Variants in ZNF444 observed in about 807,000 individuals in gnomAD.
ZNF444 encodes the protein endothelial zinc finger protein 2.
A neutral mutation model predicts 14.4 loss-of-function variants in ZNF444; 8 were observed. The ratio of observed to expected loss-of-function variants is 0.56; its 90% CI spans 0.33 to 1.00. The LOEUF (loss-of-function observed/expected upper bound fraction) is 1.00, where lower values mean the gene tolerates loss of function less well. Ranked by LOEUF, ZNF444 falls within the 50% of genes least tolerant of loss-of-function variation. The probability of loss-of-function intolerance (pLI) is 0.03; values close to 1 mark genes in which losing one functional copy is unlikely to be tolerated. For missense variants in ZNF444, 510 were observed against 504.8 expected (o/e 1.01, Z -0.10); for synonymous variants, 258 against 235.9 (o/e 1.09, Z -0.86).
chr19:56,144,058 C>G lies in ZNF444; in HGVS notation c.-196-2189C>G, dbSNP rs1007631547. Among the ~76,000 whole-genome samples the G allele has an allele frequency of 2.0e-5, 3 of 152,170 alleles. No individual in the cohort carries two copies. Among genetic ancestry groups the G allele is most frequent in the Non-Finnish European group, 4.4e-5 (3 of 68,036 alleles). The stretch of plus-strand genomic sequence containing the variant: ...GCACAGTGGCTCACTCCTGTAATCC[C>G]AGCACTTTGAGAGGCTGAGGTGGGA... On this transcript the variant is annotated intron_variant, in intron 1 of 4. Coordinates refer to ENST00000337080, the MANE Select transcript of ZNF444 (RefSeq NM_018337.4). The surrounding 1 kb of genome is among the most constrained non-coding windows in gnomAD (Gnocchi z 4.0).
upstream of ZNF444, among the ~76,000 whole-genome samples, chr19:56,138,086 T>C (rs1039897424): frequency 1.3e-5 from 2 of 151,938 alleles, no homozygotes; most frequent in African/African-American, 4.8e-5. Flanking sequence ...ATGGAACCAT[T>C]GCACTCCAGC....
rs2032221092 is a variant in ZNF444 at position 56,160,414 on chromosome 19, C to G, written c.*213C>G. On this transcript the variant is annotated 3_prime_UTR_variant, in exon 5 of 5. Transcript: ENST00000337080. ...CTTTCCTTCTCAGGTCTCACCTCAG[C>G]CCCCCCCTTCTCCCTGATTTCTCGG... The G allele has an allele frequency of 1.1e-5, 5 of 474,484 alleles. No homozygotes were observed. Among genetic ancestry groups the G allele is most frequent in the Non-Finnish European group, 1.8e-5 (5 of 272,236 alleles). The allele number at this position is 474,484 out of a possible 1,614,324, so 29.4% of individuals were successfully genotyped here.
chr19:56,153,163 G>T (rs908849563), intron 3 of ZNF444, among the ~76,000 whole-genome samples: 5 of 152,166 alleles, frequency 3.3e-5, no homozygotes, highest in African/African-American at 9.7e-5. Flanking sequence ...GAGAACAGGG[G>T]ACATTTGGGA....
chr19:56,152,060 G>T (rs1379824257), intron 3 of ZNF444, among the ~76,000 whole-genome samples: 2 of 152,126 alleles, frequency 1.3e-5, no homozygotes, highest in Non-Finnish European at 2.9e-5. Context: ...GGCCGGGCAT[G>T]GTGGCTCACG....
chr19:56,159,694 GC>G lies in ZNF444; in HGVS notation c.480del (p.Ser161AlafsTer13). 6.5e-7 allele frequency: 1 copy of G among 1,540,966 alleles called. No individual in the cohort carries two copies. ...SQAVRPYKQE[P>X]SSPPLAPGLP... ...AGGCTGTGCGCCCCTACAAGCAGGA[GC>G]CCAGCAGCCCCCCGCTGGCGCCTGG... On this transcript the variant is annotated frameshift_variant, in exon 5 of 5. Coordinates refer to ENST00000337080, the MANE Select transcript of ZNF444 (RefSeq NM_018337.4). LOFTEE classifies it low-confidence loss of function (END_TRUNC).
At chr19:56,152,456 G>A (rs1463859246) in intron 3 of ZNF444, among the ~76,000 whole-genome samples, 1 of 151,264 alleles carries the variant, frequency 6.6e-6, no homozygotes, top group Non-Finnish European at 1.5e-5. Flanking sequence ...TCCTGTTGAA[G>A]GACATTTGGG....
At position 56,159,752 on chromosome 19, in the gene ZNF444, A is replaced by ACGTC; in HGVS notation, c.537_540dup (p.Cys181ValfsTer32). On this transcript the variant is annotated frameshift_variant, in exon 5 of 5. Transcript: ENST00000337080. LOFTEE classifies it low-confidence loss of function (END_TRUNC). ...CGCCTTCCTAGCGGCCCCGGGCACC[A>ACGTC]CGTCCTGCCCCGAGTGCGGCAAAAC... The ACGTC allele has an allele frequency of 1.3e-6, 2 of 1,589,914 alleles. No homozygotes were observed. The highest frequency in any genetic ancestry group is 1.7e-6 in the Non-Finnish European group (2 of 1,172,182).
rs886732523 is a variant in ZNF444, at chr19:56,160,278, G to T, written c.*77G>T. The T allele has an allele frequency of 2.5e-5, 30 of 1,221,246 alleles. No homozygotes were observed. Among genetic ancestry groups the T allele is most frequent in the Non-Finnish European group, 3.1e-5 (29 of 932,970 alleles). The allele number at this position is 1,221,246 out of a possible 1,614,324, so 75.7% of individuals were successfully genotyped here. A position where few individuals can be genotyped will look rare whatever the true frequency, so the allele number is the denominator to read the frequency against. The stretch of plus-strand genomic sequence containing the variant: ...ACCTGCTCTCTCCCAGCGCCACTTG[G>T]CCTCTTCCTCTCCTCCTTCCCTCCC... On this transcript the variant is annotated 3_prime_UTR_variant, in exon 5 of 5. Coordinates refer to ENST00000337080, the MANE Select transcript of ZNF444 (RefSeq NM_018337.4).
chr19:56,148,562 T>C (rs890830579), intron 3 of ZNF444, among the ~76,000 whole-genome samples: 3 of 152,026 alleles, frequency 2.0e-5, no homozygotes, highest in Non-Finnish European at 2.9e-5. Flanking sequence ...TCCCTTCTCA[T>C]GCGGCCCGAC....
At position 56,146,256 on chromosome 19, in the gene ZNF444, C is replaced by T. The variant is rs978407194; in HGVS notation, c.-187C>T. On this transcript the variant is annotated 5_prime_UTR_variant, in exon 2 of 5. Coordinates refer to ENST00000337080, the MANE Select transcript of ZNF444 (RefSeq NM_018337.4). ...CTGGTTGAATCCTCAGGACAGGCTG[C>T]GGGAGGAGCTGCAGGACTGAGGTAC... 19 of 152,598 alleles carry T rather than the reference C, an allele frequency of 1.2e-4. No homozygotes were observed. The highest frequency in any genetic ancestry group is 2.0e-4 in the Admixed American group (3 of 15,274). 9.5% of individuals were successfully genotyped at this position (152,598 alleles called of 1,614,324 possible).
chr19:56,155,661 CAG>C (rs2031861814), intron 3 of ZNF444: 1 of 152,398 alleles, frequency 6.6e-6, no homozygotes, highest in Non-Finnish European at 1.5e-5. Flanking sequence ...GGTGTCATCT[CAG>C]GGAAGGAAAG....
chr19:56,158,575 AAGG>A lies in ZNF444; in HGVS notation c.384_386del (p.Glu128del), dbSNP rs2123561887. 1.2e-6 allele frequency: 2 copies of A among 1,611,414 alleles called. No individual in the cohort carries two copies. Among genetic ancestry groups the A allele is most frequent in the Non-Finnish European group, 1.7e-6 (2 of 1,178,752 alleles). ...GCAGGGCCCTGGGGCCACAGGTGGA[AAGG>A]AGGACAGTGGGATGATTCCCTTAGG... On this transcript the variant is annotated inframe_deletion, in exon 4 of 5. Coordinates refer to ENST00000337080, the MANE Select transcript of ZNF444 (RefSeq NM_018337.4).
At chr19:56,150,297 T>C (rs906175380) in intron 3 of ZNF444, 1 of 240,432 alleles carries the variant, frequency 4.2e-6, no homozygotes, top group Non-Finnish European at 8.3e-6. Flanking sequence ...TCTTGCAAAA[T>C]AAAAAAAAAT....
rs2031871401 is a variant in ZNF444 at position 56,155,801 on chromosome 19, G to A, written c.298-2693G>A. 3 of 152,244 alleles carry A rather than the reference G, an allele frequency of 2.0e-5. No homozygotes were observed. In the South Asian group the frequency reaches 6.2e-4, roughly 32 times the overall value. The allele number at this position is 152,244 out of a possible 1,614,324, so 9.4% of individuals were successfully genotyped here. On this transcript the variant is annotated intron_variant, in intron 3 of 4. Transcript: ENST00000337080. ...AAGACGTCTGTGACCAAATGTTGGA[G>A]GGGGTGTCCCCTCACATACCGAACA...
intron 3 of ZNF444, chr19:56,149,991 G>A (rs1184006493): frequency 6.3e-6 from 1 of 158,640 alleles, no homozygotes; most frequent in East Asian, 1.9e-4. Flanking sequence ...AGGTTCTGGG[G>A]ATCAGACCGT....
In ZNF444 at chr19:56,145,645, C is replaced by T. The variant is rs1466857904; in HGVS notation, c.-196-602C>T. ...GAGCTCGCTGCCTCTCTCTATTCTA[C>T]GCCATGGGAGGACACAAAAGGAGGC... On this transcript the variant is annotated intron_variant, in intron 1 of 4. Coordinates refer to ENST00000337080, the MANE Select transcript of ZNF444 (RefSeq NM_018337.4). This position sits in a 1 kb window ranked among gnomAD's most constrained non-coding sequence, Gnocchi z 4.3. Among the ~76,000 whole-genome samples the T allele has an allele frequency of 6.6e-6, 1 of 152,058 alleles. No individual in the cohort carries two copies. The highest frequency in any genetic ancestry group is 2.4e-5 in the African/African-American group (1 of 41,406).
upstream of ZNF444, among the ~76,000 whole-genome samples, chr19:56,139,158 CTT>C (rs1222844590): frequency 6.6e-6 from 1 of 151,496 alleles, no homozygotes; most frequent in African/African-American, 2.4e-5. Flanking sequence ...TAATTTTTAT[CTT>C]GTATATATTT....
chr19:56,142,573 A>G (rs1019845493), intron 1 of ZNF444, among the ~76,000 whole-genome samples: 1 of 152,198 alleles, frequency 6.6e-6, no homozygotes, highest in Non-Finnish European at 1.5e-5. Context: ...CCGCCACGAC[A>G]CAAGTGCCAT....
intron 3 of ZNF444, 132 bp from the exon 4 acceptor site, chr19:56,158,362 G>T (rs1240325896): frequency 2.4e-6 from 2 of 837,922 alleles, no homozygotes; most frequent in Non-Finnish European, 1.8e-6. Flanking sequence ...GGCAGCTTCA[G>T]TGTCGCCCAG....
Sources: gnomAD v4.1 joint callset for allele counts (sites outside exome capture counted in the v4.1 genomes callset) on GRCh38, gnomAD v4.1.1 for gene constraint, Gnocchi (gnomAD v3.1) non-coding constraint, MANE v1.5 for transcripts, NCBI Gene and HGNC (gene_info 2026-07-23, HGNC 2026-07-21) for gene names.